NPHP4: variants seen among roughly 807,000 people sequenced by gnomAD.
NPHP4 encodes nephrocystin-4.
In NPHP4, 151 loss-of-function variants were observed where a neutral mutation model predicts 155.8. The ratio of observed to expected loss-of-function variants is 0.97; its 90% CI spans 0.85 to 1.11. The LOEUF is 1.11. NPHP4 is among the 50% of genes least tolerant of loss of function. The probability of loss-of-function intolerance (pLI) is 0.00; values close to 1 mark genes in which losing one functional copy is unlikely to be tolerated. For missense variants in NPHP4, 1,956 were observed against 1,925.7 expected, an observed-to-expected ratio of 1.02 and a Z score of -0.29; for synonymous variants, 845 against 816.8, an observed-to-expected ratio of 1.03 and a Z score of -0.59.
At position 5,974,240 on chromosome 1, in the gene NPHP4, G is replaced by A. The variant is rs147223718; in HGVS notation, c.279+4030C>T. Among the ~76,000 whole-genome samples, 845 of 152,342 alleles carry A rather than the reference G, an allele frequency of 5.5e-3. 9 individuals carry two copies. Among genetic ancestry groups the A allele is most frequent in the African/African-American group, 0.018 (751 of 41,578 alleles). ...CAATCACCTGCATCCCTCTACCAGG[G>A]CAGGTGACTGCCCCGCTGCTTTGGC... On this transcript the variant is annotated intron_variant, in intron 3 of 29. Transcript: ENST00000378156.
intron 6 of NPHP4, among the ~76,000 whole-genome samples, chr1:5,959,077 A>G (rs1396959385): frequency 6.6e-6 from 1 of 151,818 alleles, no homozygotes; most frequent in African/African-American, 2.4e-5. Context: ...TGAGATACCT[A>G]TCCTTTCTCT....
At chr1:5,942,884 G>A (rs1290984049) in intron 9 of NPHP4, among the ~76,000 whole-genome samples, 1 of 152,208 alleles carries the variant, frequency 6.6e-6, no homozygotes, top group South Asian at 2.1e-4. Context: ...CAGAGGCTCA[G>A]GAGGATGCCC....
At chr1:5,871,293 G>A (rs1016369134) in intron 23 of NPHP4, among the ~76,000 whole-genome samples, 15 of 152,110 alleles carry the variant, frequency 9.9e-5, no homozygotes, top group African/African-American at 2.4e-4. Flanking sequence ...AAAGGATGGC[G>A]GTGGCCTGAG....
chr1:5,876,993 G>T, intron 20 of NPHP4, 100 bp downstream of exon 20: 1 of 817,638 alleles, frequency 1.2e-6, no homozygotes, highest in East Asian at 3.3e-5. Flanking sequence ...GATTTGGGAG[G>T]AAGGTAAGAG....
chr1:5,889,106 C>T lies in NPHP4; in HGVS notation c.2305-1640G>A, dbSNP rs761161382. 3.5e-4 allele frequency among the ~76,000 whole-genome samples: 53 copies of T among 152,254 alleles called. No homozygotes were observed. Among genetic ancestry groups the T allele is most frequent in the Non-Finnish European group, 4.9e-4 (33 of 68,028 alleles). On this transcript the variant is annotated intron_variant, in intron 17 of 29. Transcript: ENST00000378156. This position sits in a 1 kb window ranked among gnomAD's most constrained non-coding sequence, Gnocchi z 4.2. The stretch of plus-strand genomic sequence containing the variant: ...CCCTAGAGGAAACTCTTCTCATCGT[C>T]GTAGCAACGTGTTACGGCCAGCACC...
In NPHP4 at chr1:5,882,915, C is replaced by G. The variant is rs1010340574; in HGVS notation, c.2486-2676G>C. ...CAACTCGTGGTCACAGGATCAAGAT[C>G]CTCGTCCCTAAGAAAGGAACCCAGA... is the stretch of plus-strand genomic sequence containing the variant. On this transcript the variant is annotated intron_variant, in intron 18 of 29. Transcript: ENST00000378156. This position sits in a 1 kb window ranked among gnomAD's most constrained non-coding sequence, Gnocchi z 5.1. The G allele has an allele frequency of 6.6e-6, 1 of 152,304 alleles. No homozygotes were observed. Among genetic ancestry groups the G allele is most frequent in the African/African-American group, 2.4e-5 (1 of 41,442 alleles). 9.4% of individuals were successfully genotyped at this position (152,304 alleles called of 1,614,324 possible).
At chr1:5,969,732 C>T (rs542598701) in intron 3 of NPHP4, among the ~76,000 whole-genome samples, 24 of 152,320 alleles carry the variant, frequency 1.6e-4, no homozygotes, top group Admixed American at 5.9e-4. Flanking sequence ...CTCCTAGTAT[C>T]GCCTGACACT....
At chr1:5,900,881 A>G (rs1644642781) in intron 16 of NPHP4, among the ~76,000 whole-genome samples, 2 of 152,020 alleles carry the variant, frequency 1.3e-5, no homozygotes, top group South Asian at 4.2e-4. Context: ...AACTACAAAA[A>G]AAATATTAGT....
chr1:5,967,290 G>C lies in NPHP4; in HGVS notation c.517+9C>G. The C allele has an allele frequency of 6.3e-7, 1 of 1,596,892 alleles. No individual in the cohort carries two copies. Among genetic ancestry groups the C allele is most frequent in the Non-Finnish European group, 8.5e-7 (1 of 1,171,926 alleles). On this transcript the variant is annotated intron_variant, in intron 5 of 29. Coordinates refer to ENST00000378156, the MANE Select transcript of NPHP4 (RefSeq NM_015102.5). ...AGTGAGTGCTGCCAAGGCCAGGTCT[G>C]GCTCTTACGCTCTGCGGGGTCCTGG...
chr1:5,881,461 A>T (rs1643278011), intron 18 of NPHP4: 1 of 152,252 alleles, frequency 6.6e-6, no homozygotes, highest in Non-Finnish European at 1.5e-5. Flanking sequence ...CATCCCAGGG[A>T]ACAGCGCCTG....
intron 3 of NPHP4, among the ~76,000 whole-genome samples, chr1:5,972,064 T>A (rs547895782): frequency 6.6e-6 from 1 of 152,266 alleles, no homozygotes. Flanking sequence ...TCTGCCGATG[T>A]GCCTGGATGA....
At chr1:5,886,472 A>C (rs1643814808) in intron 18 of NPHP4, 2 of 152,358 alleles carry the variant, frequency 1.3e-5, no homozygotes, top group Admixed American at 6.5e-5. Flanking sequence ...GACAAGTCTG[A>C]ATCTCATGCA....
intron 16 of NPHP4, among the ~76,000 whole-genome samples, chr1:5,897,257 A>T (rs1334165641): frequency 1.3e-5 from 2 of 152,206 alleles, no homozygotes; most frequent in Non-Finnish European, 2.9e-5. Flanking sequence ...TGTTAAAACA[A>T]GAGGTGGAAG....
intron 3 of NPHP4, among the ~76,000 whole-genome samples, chr1:5,974,847 C>G (rs998775619): frequency 2.6e-5 from 4 of 152,154 alleles, no homozygotes; most frequent in Non-Finnish European, 5.9e-5. Flanking sequence ...AGGGTCCATG[C>G]GCTACCACGT....
chr1:5,915,447 G>C (rs1645423149), intron 11 of NPHP4, among the ~76,000 whole-genome samples: 1 of 152,188 alleles, frequency 6.6e-6, no homozygotes, highest in Admixed American at 6.5e-5. Context: ...CACTTGAAAG[G>C]CCTTTATTCC....
intron 19 of NPHP4, among the ~76,000 whole-genome samples, chr1:5,878,656 T>C (rs1349700526): frequency 6.6e-6 from 1 of 152,224 alleles, no homozygotes; most frequent in Non-Finnish European, 1.5e-5. Flanking sequence ...CCTCCTGTCC[T>C]GGTCCTGAGC....
intron 23 of NPHP4, among the ~76,000 whole-genome samples, chr1:5,870,464 C>T (rs1352365713): frequency 6.6e-6 from 1 of 152,090 alleles, no homozygotes; most frequent in East Asian, 1.9e-4. Context: ...TTGGAAAATC[C>T]ATGGCAGGCA....
chr1:5,926,873 C>T lies in NPHP4; in HGVS notation c.1441+776G>A, dbSNP rs559277486. Among the ~76,000 whole-genome samples the T allele has an allele frequency of 4.6e-5, 7 of 152,330 alleles. No individual in the cohort carries two copies. The South Asian group carries it at 8.3e-4, about 18-fold the overall frequency. On this transcript the variant is annotated intron_variant, in intron 11 of 29. Coordinates refer to ENST00000378156, the MANE Select transcript of NPHP4 (RefSeq NM_015102.5). ...TCCCTATCTTGCCATCTGGAACAGG[C>T]AGAAAGAAGGAAGTCATCACCTGCG... is the stretch of plus-strand genomic sequence containing the variant.
Position 5,892,739 on chromosome 1 carries a change from C to T in NPHP4, c.2144-1711G>A, listed in dbSNP as rs1213877878. On this transcript the variant is annotated intron_variant, in intron 16 of 29. Coordinates refer to ENST00000378156, the MANE Select transcript of NPHP4 (RefSeq NM_015102.5). This position sits in a 1 kb window ranked among gnomAD's most constrained non-coding sequence, Gnocchi z 4.5. ...CTGAGACAAGTGGCTCCTCCGTGGC[C>T]ACCCCTGAGGTCCAAGCTCCCCACA... 1.3e-5 allele frequency among the ~76,000 whole-genome samples: 2 copies of T among 152,090 alleles called. No homozygotes were observed. The highest frequency in any genetic ancestry group is 2.9e-5 in the Non-Finnish European group (2 of 68,012).
Sources: allele counts gnomAD v4.1 joint callset (sites outside exome capture counted in the v4.1 genomes callset), GRCh38; gene constraint gnomAD v4.1.1; non-coding constraint Gnocchi (gnomAD v3.1); transcripts MANE v1.5; gene names NCBI Gene and HGNC (gene_info 2026-07-23, HGNC 2026-07-21).